Variants in KIAA1549 observed in about 807,000 individuals in gnomAD.
KIAA1549 encodes the protein UPF0606 protein KIAA1549.
In KIAA1549, 70 loss-of-function variants were observed where a neutral mutation model predicts 156.4. The ratio of observed to expected loss-of-function variants is 0.45; its 90% CI spans 0.37 to 0.55. The LOEUF (loss-of-function observed/expected upper bound fraction) is 0.55. KIAA1549 is among the 20% of genes least tolerant of loss of function. The pLI, the probability that KIAA1549 is intolerant of heterozygous loss-of-function variation, is 0.00. For missense variants in KIAA1549, 2,428 were observed against 2,540.9 expected, an observed-to-expected ratio of 0.96 and a Z score of 0.96; for synonymous variants, 1,103 against 1,066.4, an observed-to-expected ratio of 1.03 and a Z score of -0.67.
chr7:138,959,951 G>A (rs1173360299), intron 1 of KIAA1549, among the ~76,000 whole-genome samples: 2 of 152,180 alleles, frequency 1.3e-5, no homozygotes, highest in Non-Finnish European at 1.5e-5. Flanking sequence ...AGAGACTACT[G>A]GTCCCTTAAC....
At chr7:138,908,792 G>A (rs1812081743) in intron 5 of KIAA1549, among the ~76,000 whole-genome samples, 199 bp downstream of exon 5, 1 of 152,114 alleles carries the variant, frequency 6.6e-6, no homozygotes, top group Admixed American at 6.5e-5. Flanking sequence ...CTGGGTATCA[G>A]CTACTCTGCA....
intron 1 of KIAA1549, among the ~76,000 whole-genome samples, chr7:138,968,271 T>G (rs955397025): frequency 6.6e-6 from 1 of 152,048 alleles, no homozygotes; most frequent in African/African-American, 2.4e-5. Context: ...GGTTGACAGG[T>G]GTAGCAAATC....
chr7:138,869,654 C>G lies in KIAA1549; in HGVS notation c.4659G>C (p.Leu1553=). 2 of 1,612,030 alleles carry G rather than the reference C, an allele frequency of 1.2e-6. No individual in the cohort carries two copies. Among genetic ancestry groups the G allele is most frequent in the Non-Finnish European group, 1.7e-6 (2 of 1,179,758 alleles). ...GTCGCTCCTTAGTGTCGCCCGAGGA[C>G]AGGTCGTCTACCACCGGGAACTCGT... ...GHYEFPVVDD[L]SSGDTKERHR... The change falls in exon 14 of 20, where the codon CTG becomes CTC. Residue 1553 remains leucine (L), a synonymous_variant. Coordinates refer to ENST00000422774, the MANE Select transcript of KIAA1549 (RefSeq NM_001164665.2).
intron 1 of KIAA1549, among the ~76,000 whole-genome samples, chr7:138,942,725 A>G (rs1813219575): frequency 6.6e-6 from 1 of 152,200 alleles, no homozygotes; most frequent in South Asian, 2.1e-4. Context: ...CCTGGCTAAC[A>G]TGGTGAAACC....
intron 15 of KIAA1549, among the ~76,000 whole-genome samples, chr7:138,865,954 C>T (rs1197387709): frequency 2.6e-5 from 4 of 152,164 alleles, no homozygotes; most frequent in African/African-American, 7.2e-5. Context: ...TTTCACACCA[C>T]AGCAAGTCTC....
chr7:138,912,162 C>A (rs1206303941), intron 3 of KIAA1549, among the ~76,000 whole-genome samples: 2 of 152,246 alleles, frequency 1.3e-5, no homozygotes, highest in Non-Finnish European at 2.9e-5. Flanking sequence ...AGGACTAACC[C>A]TGACCTCATG....
At position 138,837,938 on chromosome 7, in the gene KIAA1549, T is replaced by G; in HGVS notation, c.5821A>C (p.Lys1941Gln). ...TGGAAGTTCTGCACGGTGCTCTGTT[T>G]CTGGGAGAGCCGGAGGAGCTCCTCG... ...IREELLRLSQKQSTVQNFHS is the reference protein window; with the variant it reads ...IREELLRLSQQQSTVQNFHS The change falls in exon 20 of 20, where the codon AAA becomes CAA. Residue 1941 changes from lysine to glutamine, a missense_variant. Coordinates refer to ENST00000422774, the MANE Select transcript of KIAA1549 (RefSeq NM_001164665.2). 1 of 1,613,848 alleles carries G rather than the reference T, an allele frequency of 6.2e-7. No individual in the cohort carries two copies. The highest frequency in any genetic ancestry group is 8.5e-7 in the Non-Finnish European group (1 of 1,179,890).
rs774795805 is a variant in KIAA1549 at position 138,918,567 on chromosome 7, T to C, written c.1059A>G (p.Ala353=). 40 of 1,613,946 alleles carry C rather than the reference T, an allele frequency of 2.5e-5. No individual in the cohort carries two copies. The highest frequency in any genetic ancestry group is 4.0e-5 in the African/African-American group (3 of 74,954). ...GCAATGGAGAATGTGTCCTGCTGAA[T>C]GCAAGGGCTGCGTGCGATGCAGTCA... ...PTVTASHAAL[A]FSRTHSPLLS... The change falls in exon 2 of 20, where the codon GCA becomes GCG. Residue 353 remains alanine (A), a synonymous_variant. Transcript: ENST00000422774. The surrounding 1 kb of genome is among the most constrained non-coding windows in gnomAD (Gnocchi z 4.2).
At chr7:138,956,132 G>A (rs560554141) in intron 1 of KIAA1549, among the ~76,000 whole-genome samples, 4 of 152,238 alleles carry the variant, frequency 2.6e-5, no homozygotes, top group East Asian at 3.9e-4. Context: ...GACCTCAAGC[G>A]ACACGCCCAC....
At chr7:138,913,104 A>C (rs1370066904) in intron 2 of KIAA1549, among the ~76,000 whole-genome samples, 1 of 152,106 alleles carries the variant, frequency 6.6e-6, no homozygotes, top group Non-Finnish European at 1.5e-5. Flanking sequence ...TTGATCTCCT[A>C]ACCTTGTGAC....
In KIAA1549 at chr7:138,912,439, T is replaced by C. The variant is rs1249320955; in HGVS notation, c.2900A>G (p.Gln967Arg). 5 of 1,613,738 alleles carry C rather than the reference T, an allele frequency of 3.1e-6. No homozygotes were observed. The highest frequency in any genetic ancestry group is 4.2e-6 in the Non-Finnish European group (5 of 1,179,772). The change falls in exon 3 of 20, where the codon CAG becomes CGG. Residue 967 changes from glutamine to arginine, a missense_variant. This residue lies in a region of KIAA1549 where 762 missense variants were observed against 901.6 expected (regional missense o/e 0.85). Transcript: ENST00000422774. ...ITTVLARRAV[Q>R]EYIITAIKEV... ...TTTGATTGCTGTAATGATGTACTCC[T>C]GCACAGCTCTTCTGGCCAGCACTGC...
At chr7:138,842,783 G>A (rs2130330677) in intron 18 of KIAA1549, among the ~76,000 whole-genome samples, 1 of 152,162 alleles carries the variant, frequency 6.6e-6, no homozygotes, top group Middle Eastern at 3.4e-3. Flanking sequence ...GAGGCAACTG[G>A]TAAATCTCAA....
chr7:138,861,090 A>C, intron 16 of KIAA1549, 49 bp downstream of exon 16: 1 of 1,589,990 alleles, frequency 6.3e-7, no homozygotes, highest in Admixed American at 1.7e-5. Context: ...TCAGGCAACA[A>C]AGCTTCAACA....
At chr7:138,967,158 TG>T (rs375796835) in intron 1 of KIAA1549, among the ~76,000 whole-genome samples, 63 of 152,306 alleles carry the variant, frequency 4.1e-4, no homozygotes, top group African/African-American at 1.5e-3. Context: ...GGCAAAGATT[TG>T]TGGAATACAT....
At chr7:138,966,774 G>A (rs1814037235) in intron 1 of KIAA1549, among the ~76,000 whole-genome samples, 1 of 151,968 alleles carries the variant, frequency 6.6e-6, no homozygotes, top group African/African-American at 2.4e-5. Context: ...CAATCCAATC[G>A]AGTTGACACT....
At chr7:138,937,840 G>C (rs1584770309) in intron 1 of KIAA1549, among the ~76,000 whole-genome samples, 2 of 152,162 alleles carry the variant, frequency 1.3e-5, no homozygotes, top group Admixed American at 6.5e-5. Flanking sequence ...AGAGATTGGT[G>C]ATAATCTGCA....
At position 138,871,170 on chromosome 7, in the gene KIAA1549, T is replaced by C. The variant is rs1480630940; in HGVS notation, c.4538A>G (p.Lys1513Arg). 4.3e-6 allele frequency: 7 copies of C among 1,612,342 alleles called. No individual in the cohort carries two copies. The highest frequency in any genetic ancestry group is 5.9e-6 in the Non-Finnish European group (7 of 1,179,850). Reference sequence around the variant, plus strand: ...AAAAGCAAATACCTCTTTGTTGATTTTATTGCTTTCCGCCACTCGGTCGGC... The same window carrying C: ...AAAAGCAAATACCTCTTTGTTGATTCTATTGCTTTCCGCCACTCGGTCGGC... ...SPADRVAESN[K>R]INKEIQTALR... The change falls in exon 13 of 20, where the codon AAA becomes AGA. Residue 1513 changes from lysine to arginine, a missense_variant. By Grantham distance (26) the Lys-to-Arg change is conservative. Transcript: ENST00000422774.
At position 138,861,353 on chromosome 7, in the gene KIAA1549, G is replaced by A. The variant is rs376518305; in HGVS notation, c.5033C>T (p.Pro1678Leu). Reference protein sequence around the residue: ...FPASQYIPPQPSIEEARQTMH... With the variant: ...FPASQYIPPQLSIEEARQTMH... ...GGTCTGGCGTGCCTCCTCGATGGAC[G>A]GCTGGGGTGGGATGTACTGGGAGGC... The change falls in exon 16 of 20, where the codon CCG becomes CTG. Residue 1678 changes from proline (P) to leucine (L), a missense_variant. This residue lies in a region of KIAA1549 where 6 missense variants were observed against 20.4 expected (regional missense o/e 0.29). Transcript: ENST00000422774. The A allele has an allele frequency of 1.4e-5, 22 of 1,609,230 alleles. No homozygotes were observed. Among genetic ancestry groups the A allele is most frequent in the African/African-American group, 5.4e-5 (4 of 74,644 alleles).
chr7:138,894,429 A>T lies in KIAA1549; in HGVS notation c.3945T>A (p.Ile1315=), dbSNP rs1420189233. ...VVIPVLVVMV[I]VVILYWKLCR... is the part of the protein sequence containing the mutation. ...ATAGTTTCCAGTAGAGGATGACAAC[A>T]ATCACCATCACCACCAGCACTGGGA... The change falls in exon 10 of 20, where the codon ATT becomes ATA. Residue 1315 remains isoleucine, a synonymous_variant. Transcript: ENST00000422774. The T allele has an allele frequency of 6.2e-7, 1 of 1,613,994 alleles. No homozygotes were observed. Among genetic ancestry groups the T allele is most frequent in the Non-Finnish European group, 8.5e-7 (1 of 1,179,876 alleles).
Sources: allele counts gnomAD v4.1 joint callset (sites outside exome capture counted in the v4.1 genomes callset), GRCh38; gene constraint gnomAD v4.1.1; regional missense constraint gnomAD v4.1.1; non-coding constraint Gnocchi (gnomAD v3.1); transcripts MANE v1.5; gene names NCBI Gene and HGNC (gene_info 2026-07-23, HGNC 2026-07-21).